The following CXCR2 variants were observed in gnomAD, a reference collection of about 807,000 sequenced individuals.
The protein encoded by CXCR2 is C-X-C motif chemokine receptor 2, also known as C-X-C chemokine receptor type 2.
CXCR2 carries 2 observed loss-of-function variants against 3.7 expected under a neutral mutation model. That is an observed-to-expected ratio of 0.55 (90% CI 0.22 to 1.72). The LOEUF is 1.72. CXCR2 is among the 40% of genes most tolerant of loss of function. The pLI is 0.19. For synonymous variants in CXCR2, 203 were observed against 193.3 expected (o/e 1.05, Z -0.41); for missense variants, 351 against 450.1 (o/e 0.78, Z 1.99).
At chr2:218,130,405 C>T (rs186194926) in intron 2 of CXCR2, among the ~76,000 whole-genome samples, 7 of 151,660 alleles carry the variant, frequency 4.6e-5, no homozygotes, top group South Asian at 2.1e-4. Flanking sequence ...GGCAACAGAG[C>T]GAGACTGCAT....
At chr2:218,134,251 G>A (rs750555563) in intron 2 of CXCR2, among the ~76,000 whole-genome samples, 4 of 152,144 alleles carry the variant, frequency 2.6e-5, no homozygotes, top group Non-Finnish European at 5.9e-5. Flanking sequence ...AACTGAATGG[G>A]GCTGAGTGCA....
chr2:218,136,627 TG>T lies in CXCR2; in HGVS notation c.*744del, dbSNP rs1690816737. Reference sequence around the variant, plus strand: ...GAAAGCAGGGACTTGAACCCATATTTGTACACCAATATTCATAGCAGCTTAT... The same window carrying T: ...GAAAGCAGGGACTTGAACCCATATTTTACACCAATATTCATAGCAGCTTAT... On this transcript the variant is annotated 3_prime_UTR_variant, in exon 3 of 3. Coordinates refer to ENST00000318507, the MANE Select transcript of CXCR2 (RefSeq NM_001557.4). The T allele has an allele frequency of 6.0e-6, 1 of 166,968 alleles. No homozygotes were observed. The highest frequency in any genetic ancestry group is 2.4e-5 in the African/African-American group (1 of 41,424). 10.3% of individuals were successfully genotyped at this position (166,968 alleles called of 1,614,324 possible). A position where few individuals can be genotyped will look rare whatever the true frequency, so the allele number is the denominator to read the frequency against.
At chr2:218,125,576 GT>G (rs45493792), upstream of CXCR2, 89,962 of 150,788 alleles carry the variant, frequency 0.6, 28,044 homozygotes, top group African/African-American at 0.78. Flanking sequence ...AAAGCAATTT[GT>G]TTTTGTTTTT....
chr2:218,128,845 A>C (rs1174232700), intron 1 of CXCR2, among the ~76,000 whole-genome samples: 1 of 152,214 alleles, frequency 6.6e-6, no homozygotes, highest in African/African-American at 2.4e-5. Flanking sequence ...GAGGAACGCC[A>C]CCAGACTCAC....
intron 2 of CXCR2, among the ~76,000 whole-genome samples, chr2:218,130,386 C>T (rs898592932): frequency 6.6e-6 from 1 of 152,104 alleles, no homozygotes; most frequent in Admixed American, 6.6e-5. Flanking sequence ...CGCCATTGCA[C>T]TCCAGCCTGG....
chr2:218,128,429 A>G (rs893840137), intron 1 of CXCR2, among the ~76,000 whole-genome samples: 1 of 152,206 alleles, frequency 6.6e-6, no homozygotes, highest in African/African-American at 2.4e-5. Context: ...GAGATAGGGT[A>G]AGGAATAATG....
rs374886297 is a variant in CXCR2 at position 218,134,669 on chromosome 2, A to G, written c.-25-108A>G. Reference sequence around the variant, plus strand: ...TACAAATTTGAAGGGAAAAATTACTACATTGTAATACTCAAGCCAACACAA... The same window carrying G: ...TACAAATTTGAAGGGAAAAATTACTGCATTGTAATACTCAAGCCAACACAA... On this transcript the variant is annotated intron_variant, in intron 2 of 2. Transcript: ENST00000318507. 7.7e-6 allele frequency: 8 copies of G among 1,040,030 alleles called. No individual in the cohort carries two copies. In the African/African-American group the frequency reaches 8.1e-5, roughly 11 times the overall value. 64.4% of individuals were successfully genotyped at this position (1,040,030 alleles called of 1,614,324 possible).
Position 218,137,088 on chromosome 2 carries a change from G to T in CXCR2, c.*1204G>T, listed in dbSNP as rs1188263170. On this transcript the variant is annotated 3_prime_UTR_variant, in exon 3 of 3. Coordinates refer to ENST00000318507, the MANE Select transcript of CXCR2 (RefSeq NM_001557.4). Reference sequence around the variant, plus strand: ...AAAAATGGTTTAAATGGTCAATTTTGTTATGTATATTTTATATCAATTTAA... The same window carrying T: ...AAAAATGGTTTAAATGGTCAATTTTTTTATGTATATTTTATATCAATTTAA... The T allele has an allele frequency of 6.0e-6, 1 of 166,952 alleles. No individual in the cohort carries two copies. The highest frequency in any genetic ancestry group is 2.4e-5 in the African/African-American group (1 of 41,348). 10.3% of individuals were successfully genotyped at this position (166,952 alleles called of 1,614,324 possible). A position where few individuals can be genotyped will look rare whatever the true frequency, so the allele number is the denominator to read the frequency against.
chr2:218,130,126 A>G (rs1690606231), intron 2 of CXCR2, among the ~76,000 whole-genome samples: 1 of 152,226 alleles, frequency 6.6e-6, no homozygotes, highest in Non-Finnish European at 1.5e-5. Context: ...ATGATATCTC[A>G]AGAACTTAGC....
At chr2:218,127,538 C>T (rs1690540198) in intron 1 of CXCR2, among the ~76,000 whole-genome samples, 1 of 152,182 alleles carries the variant, frequency 6.6e-6, no homozygotes, top group Admixed American at 6.5e-5. Context: ...CAAATCTGGG[C>T]TCCCCTCTCT....
At chr2:218,128,447 T>C (rs1045011978) in intron 1 of CXCR2, among the ~76,000 whole-genome samples, 1 of 152,100 alleles carries the variant, frequency 6.6e-6, no homozygotes, top group African/African-American at 2.4e-5. Context: ...ATGGAGGGGA[T>C]TGAGGTGTTG....
At chr2:218,132,499 G>A (rs998931325) in intron 2 of CXCR2, among the ~76,000 whole-genome samples, 5 of 152,252 alleles carry the variant, frequency 3.3e-5, no homozygotes, top group East Asian at 3.9e-4. Context: ...TTAACAATGC[G>A]GATGCATTCT....
Position 218,136,101 on chromosome 2 carries a change from TGCTGGA to T in CXCR2, c.*221_*226del. The T allele has an allele frequency of 1.7e-6, 1 of 584,866 alleles. No individual in the cohort carries two copies. 36.2% of individuals were successfully genotyped at this position (584,866 alleles called of 1,614,324 possible). A position where few individuals can be genotyped will look rare whatever the true frequency, so the allele number is the denominator to read the frequency against. On this transcript the variant is annotated 3_prime_UTR_variant, in exon 3 of 3. Transcript: ENST00000318507. ...CCCTTGCCATAATTACTATGTCATT[TGCTGGA>T]GCTCTGCCCATCCTGCCCCTGAGCC...
At chr2:218,134,749 T>A (rs201767788) in intron 2 of CXCR2, 28 bp from the exon 3 acceptor site, 4 of 1,556,462 alleles carry the variant, frequency 2.6e-6, no homozygotes, top group Middle Eastern at 1.7e-4. Context: ...GAATTTATTA[T>A]GCAGTAACCT....
chr2:218,129,760 C>A (rs945548525), intron 2 of CXCR2, among the ~76,000 whole-genome samples: 2 of 152,204 alleles, frequency 1.3e-5, no homozygotes, highest in African/African-American at 4.8e-5. Context: ...AATACTGGAA[C>A]TGTACTAAAA....
In CXCR2 at chr2:218,135,912, G is replaced by A. The variant is rs1252965847; in HGVS notation, c.*28G>A. On this transcript the variant is annotated 3_prime_UTR_variant, in exon 3 of 3. Transcript: ENST00000318507. This position sits in a 1 kb window ranked among gnomAD's most constrained non-coding sequence, Gnocchi z 4.0. ...CCTCCTGCCTAAGTGCAGCCCCGTG[G>A]GGTTCCTCCCTTCTCTTCACAGTCA... The A allele has an allele frequency of 1.3e-6, 2 of 1,572,526 alleles. No individual in the cohort carries two copies. The highest frequency in any genetic ancestry group is 1.4e-5 in the African/African-American group (1 of 73,622).
rs1215644545 is a variant in CXCR2, at chr2:218,137,229, A to G, written c.*1345A>G. On this transcript the variant is annotated 3_prime_UTR_variant, in exon 3 of 3. Coordinates refer to ENST00000318507, the MANE Select transcript of CXCR2 (RefSeq NM_001557.4). ...TTCATTCAATATCTTTTTTTTAATAAACCATTTTTACTTGGGTGTTTATAT... is the reference window on the plus strand; with the variant it reads ...TTCATTCAATATCTTTTTTTTAATAGACCATTTTTACTTGGGTGTTTATAT... 6.0e-6 allele frequency: 1 copy of G among 167,122 alleles called. No individual in the cohort carries two copies. The highest frequency in any genetic ancestry group is 1.5e-5 in the Non-Finnish European group (1 of 68,098). The allele number at this position is 167,122 out of a possible 1,614,324, so 10.4% of individuals were successfully genotyped here.
intron 1 of CXCR2, among the ~76,000 whole-genome samples, chr2:218,127,079 C>G (rs1219947009): frequency 6.6e-6 from 1 of 152,124 alleles, no homozygotes; most frequent in Non-Finnish European, 1.5e-5. Flanking sequence ...AGGCACACAA[C>G]AAGGCCCAGA....
chr2:218,127,240 C>T (rs2106097893), intron 1 of CXCR2, among the ~76,000 whole-genome samples: 1 of 152,316 alleles, frequency 6.6e-6, no homozygotes, highest in Admixed American at 6.5e-5. Flanking sequence ...AATTCTTATG[C>T]CTCAGCCTCT....
Sources: allele counts gnomAD v4.1 joint callset (sites outside exome capture counted in the v4.1 genomes callset), GRCh38; gene constraint gnomAD v4.1.1; non-coding constraint Gnocchi (gnomAD v3.1); transcripts MANE v1.5; gene names NCBI Gene and HGNC (gene_info 2026-07-23, HGNC 2026-07-21).